Variants in CAPN9 observed in about 807,000 individuals in gnomAD.
The protein encoded by CAPN9 is calpain-9.
In CAPN9, 81 loss-of-function variants were observed where a neutral mutation model predicts 92.8. The ratio of observed to expected loss-of-function variants is 0.87; its 90% CI spans 0.73 to 1.05. The LOEUF (loss-of-function observed/expected upper bound fraction) is 1.05, where lower values mean the gene tolerates loss of function less well. Among genes scored for constraint, CAPN9 ranks in the 50% least tolerant of loss-of-function variants. The pLI is 0.00. For synonymous variants in CAPN9, 304 were observed against 328.0 expected (o/e 0.93, Z 0.79); for missense variants, 848 against 866.2 (o/e 0.98, Z 0.26).
At chr1:230,764,031 C>T (rs3828125) in intron 4 of CAPN9, among the ~76,000 whole-genome samples, 41,854 of 151,948 alleles carry the variant, frequency 0.28, 6,158 homozygotes, top group Non-Finnish European at 0.34. Context: ...ATTGGGGTCA[C>T]TTAAAAAGGC....
intron 7 of CAPN9, among the ~76,000 whole-genome samples, chr1:230,773,312 G>A (rs1356617930): frequency 1.3e-5 from 2 of 152,204 alleles, no homozygotes; most frequent in Non-Finnish European, 2.9e-5. Flanking sequence ...GAGGAGGAAA[G>A]AGATTGGCCT....
At chr1:230,774,928 A>G (rs975466600) in intron 8 of CAPN9, among the ~76,000 whole-genome samples, 11 of 151,882 alleles carry the variant, frequency 7.2e-5, no homozygotes, top group Non-Finnish European at 1.2e-4. Flanking sequence ...TTTAGTAGAG[A>G]TGGGGTTTCA....
At chr1:230,792,971 G>C (rs1391605161) in intron 17 of CAPN9, 43 bp downstream of exon 17, 1 of 1,488,016 alleles carries the variant, frequency 6.7e-7, no homozygotes, top group South Asian at 1.1e-5. Flanking sequence ...TGCATGCCAG[G>C]TACTGCCTGT....
chr1:230,768,885 A>C (rs1666191178), intron 5 of CAPN9, among the ~76,000 whole-genome samples: 2 of 152,144 alleles, frequency 1.3e-5, no homozygotes. Flanking sequence ...TCTCTCTCAC[A>C]CTATACTACA....
intron 16 of CAPN9, 142 bp downstream of exon 16, chr1:230,792,636 C>A: frequency 1.3e-6 from 1 of 784,454 alleles, no homozygotes. Context: ...CAGCATCATG[C>A]TATTCCGATG....
chr1:230,755,212 A>C (rs926199329), intron 1 of CAPN9, 125 bp from the exon 2 acceptor site: 4 of 731,794 alleles, frequency 5.5e-6, no homozygotes, highest in Non-Finnish European at 9.3e-6. Flanking sequence ...GGCCCTCCTC[A>C]GGGAAAAGAA....
At chr1:230,756,479 G>A (rs923757263) in intron 2 of CAPN9, among the ~76,000 whole-genome samples, 1 of 152,218 alleles carries the variant, frequency 6.6e-6, no homozygotes, top group African/African-American at 2.4e-5. Flanking sequence ...ATAGATGGTA[G>A]TAAATAATGA....
chr1:230,800,254 GA>G (rs1164265571), intron 19 of CAPN9, among the ~76,000 whole-genome samples: 7 of 113,872 alleles, frequency 6.1e-5, no homozygotes, highest in African/African-American at 2.0e-4. Context: ...AAGAAAGAAA[GA>G]AAGAAAGAAA....
intron 5 of CAPN9, among the ~76,000 whole-genome samples, chr1:230,768,787 C>A (rs539093244): frequency 2.2e-4 from 34 of 152,140 alleles, no homozygotes; most frequent in African/African-American, 7.9e-4. Context: ...TTAGCCAGTT[C>A]CTCTGCACTT....
At chr1:230,752,322 A>T (rs1342199569) in intron 1 of CAPN9, among the ~76,000 whole-genome samples, 4 of 152,114 alleles carry the variant, frequency 2.6e-5, no homozygotes, top group Admixed American at 2.6e-4. Flanking sequence ...GTGCACACCA[A>T]TTCCCAGAAA....
intron 13 of CAPN9, 69 bp from the exon 14 acceptor site, chr1:230,790,063 T>A: frequency 1.4e-6 from 2 of 1,403,430 alleles, no homozygotes; most frequent in South Asian, 2.4e-5. Context: ...CAGAACTGAT[T>A]TAAAACAAAA....
At chr1:230,766,757 C>T (rs1666009339) in intron 4 of CAPN9, among the ~76,000 whole-genome samples, 1 of 152,190 alleles carries the variant, frequency 6.6e-6, no homozygotes, top group African/African-American at 2.4e-5. Flanking sequence ...ATTGGACTCA[C>T]AGTTCCACGT....
rs185700667 is a variant in CAPN9, at chr1:230,787,440, G to T, written c.1519-82G>T. The T allele has an allele frequency of 7.4e-4, 875 of 1,186,884 alleles. 5 individuals carry two copies. The highest frequency in any genetic ancestry group is 9.9e-4 in the South Asian group (76 of 77,036). The allele number at this position is 1,186,884 out of a possible 1,614,324, so 73.5% of individuals were successfully genotyped here. A position where few individuals can be genotyped will look rare whatever the true frequency, so the allele number is the denominator to read the frequency against. On this transcript the variant is annotated intron_variant, in intron 12 of 19. Coordinates refer to ENST00000271971, the MANE Select transcript of CAPN9 (RefSeq NM_006615.3). The stretch of plus-strand genomic sequence containing the variant: ...GGGTGACATGGGGCTGGGCACACAG[G>T]CTCCTGGCTTCTTTCCTGCTATTTT...
chr1:230,800,563 G>C (rs1668669415), intron 19 of CAPN9, among the ~76,000 whole-genome samples: 1 of 152,110 alleles, frequency 6.6e-6, no homozygotes, highest in African/African-American at 2.4e-5. Context: ...AGTGTCCACA[G>C]GTGTAGGGGC....
At position 230,767,380 on chromosome 1, in the gene CAPN9, C is replaced by T. The variant is rs2102863329; in HGVS notation, c.537-161C>T. 2.0e-5 allele frequency among the ~76,000 whole-genome samples: 3 copies of T among 152,290 alleles called. No individual in the cohort carries two copies. The South Asian group carries it at 6.2e-4, about 32-fold the overall frequency. On this transcript the variant is annotated intron_variant, in intron 4 of 19. Transcript: ENST00000271971. ...TCTTTGGCTTCCTCGAAGCTCCAAA[C>T]AAACCCTGATAACTTGCTTCCCGTC...
chr1:230,787,214 G>A (rs1667653567), intron 12 of CAPN9, among the ~76,000 whole-genome samples: 1 of 152,218 alleles, frequency 6.6e-6, no homozygotes, highest in Non-Finnish European at 1.5e-5. Flanking sequence ...GTAAGCCAGA[G>A]GAAGGGCAGG....
intron 6 of CAPN9, 129 bp downstream of exon 6, chr1:230,769,392 A>T: frequency 3.0e-6 from 2 of 668,278 alleles, no homozygotes; most frequent in Non-Finnish European, 5.0e-6. Context: ...ATGTCACCTA[A>T]AGAGGCAGGC....
At chr1:230,793,203 A>G (rs1668127323) in intron 17 of CAPN9, among the ~76,000 whole-genome samples, 1 of 152,212 alleles carries the variant, frequency 6.6e-6, no homozygotes, top group Non-Finnish European at 1.5e-5. Context: ...TGCCCTCTGG[A>G]GGCCTCATAG....
chr1:230,752,969 G>A (rs891647753), intron 1 of CAPN9, among the ~76,000 whole-genome samples: 8 of 152,178 alleles, frequency 5.3e-5, no homozygotes, highest in African/African-American at 1.9e-4. Flanking sequence ...CCACTGACAT[G>A]GTCCTGGTTT....
Sources: allele counts gnomAD v4.1 joint callset (sites outside exome capture counted in the v4.1 genomes callset), GRCh38; gene constraint gnomAD v4.1.1; transcripts MANE v1.5; gene names NCBI Gene and HGNC (gene_info 2026-07-23, HGNC 2026-07-21).